Variants in CNTNAP2 observed in about 807,000 individuals in gnomAD.
The protein encoded by CNTNAP2 is contactin-associated protein-like 2.
A neutral mutation model predicts 155.2 loss-of-function variants in CNTNAP2; 98 were observed. The observed-to-expected ratio is 0.63, with a 90% confidence interval of 0.54 to 0.75. CNTNAP2 has a LOEUF of 0.75. Ranked by LOEUF, CNTNAP2 falls within the 30% of genes least tolerant of loss-of-function variation. The pLI, the probability that CNTNAP2 is intolerant of heterozygous loss-of-function variation, is 0.00. For missense variants in CNTNAP2, 1,727 were observed against 1,688.1 expected, an observed-to-expected ratio of 1.02 and a Z score of -0.40; for synonymous variants, 651 against 631.2, an observed-to-expected ratio of 1.03 and a Z score of -0.47.
At chr7:148,292,173 A>G (rs1340544737) in intron 21 of CNTNAP2, among the ~76,000 whole-genome samples, 1 of 152,200 alleles carries the variant, frequency 6.6e-6, no homozygotes, top group Non-Finnish European at 1.5e-5. Flanking sequence ...AGTTTTCCAA[A>G]TTCTATGTAT....
chr7:147,497,441 G>A (rs1798728613), intron 11 of CNTNAP2, among the ~76,000 whole-genome samples: 1 of 152,118 alleles, frequency 6.6e-6, no homozygotes, highest in Admixed American at 6.6e-5. Context: ...GCCACTATCT[G>A]GGCCTGTTGA....
intron 8 of CNTNAP2, among the ~76,000 whole-genome samples, chr7:147,261,596 G>T (rs921050774): frequency 1.3e-5 from 2 of 151,262 alleles, no homozygotes; most frequent in African/African-American, 4.9e-5. Context: ...CTCACCTATT[G>T]CAAGTTTTTG....
At chr7:147,258,098 G>C (rs751549708) in intron 8 of CNTNAP2, among the ~76,000 whole-genome samples, 5 of 152,180 alleles carry the variant, frequency 3.3e-5, no homozygotes, top group Non-Finnish European at 5.9e-5. Context: ...CAAAGTAATA[G>C]ATGGCAAGAA....
intron 13 of CNTNAP2, among the ~76,000 whole-genome samples, chr7:147,833,445 G>T (rs1338119208): frequency 6.6e-6 from 1 of 152,140 alleles, no homozygotes; most frequent in Non-Finnish European, 1.5e-5. Flanking sequence ...TTCCCTCGAT[G>T]CTCCAAGGAA....
At chr7:147,318,286 ACAAAAATTAG>A (rs1368177970) in intron 9 of CNTNAP2, among the ~76,000 whole-genome samples, 1 of 152,104 alleles carries the variant, frequency 6.6e-6, no homozygotes, top group Admixed American at 6.5e-5. Context: ...TGCAAAAAAT[ACAAAAATTAG>A]CTGGGCATGG....
chr7:146,809,274 T>G (rs527608900), intron 2 of CNTNAP2, among the ~76,000 whole-genome samples: 1 of 152,290 alleles, frequency 6.6e-6, no homozygotes, highest in South Asian at 2.1e-4. Context: ...ACAGGTGTAA[T>G]GTGATTGTCT....
intron 1 of CNTNAP2, among the ~76,000 whole-genome samples, chr7:146,144,095 G>A (rs933616387): frequency 6.6e-6 from 1 of 151,932 alleles, no homozygotes; most frequent in African/African-American, 2.4e-5. Context: ...ATTACACTTT[G>A]TGTCACACTT....
At chr7:147,542,419 G>A (rs936422310) in intron 11 of CNTNAP2, among the ~76,000 whole-genome samples, 3 of 152,190 alleles carry the variant, frequency 2.0e-5, no homozygotes, top group Admixed American at 1.3e-4. Context: ...CTTCATTTAC[G>A]GACTAGCTGT....
In CNTNAP2 at chr7:146,570,195, G is replaced by A. The variant is rs565642556; in HGVS notation, c.98-204076G>A. 6.3e-5 allele frequency among the ~76,000 whole-genome samples: 9 copies of A among 143,790 alleles called. No individual in the cohort carries two copies. In the East Asian group the frequency reaches 1.9e-3, roughly 30 times the overall value. 94.3% of individuals were successfully genotyped at this position (143,790 alleles called of 152,430 possible). A position where few individuals can be genotyped will look rare whatever the true frequency, so the allele number is the denominator to read the frequency against. On this transcript the variant is annotated intron_variant, in intron 1 of 23. Coordinates refer to ENST00000361727, the MANE Select transcript of CNTNAP2 (RefSeq NM_014141.6). ...GAAACCTGAAGTGCTTTAATGCACTGGTCTGTAGACACAGCCCATTTTTTT... is the reference window on the plus strand; with the variant it reads ...GAAACCTGAAGTGCTTTAATGCACTAGTCTGTAGACACAGCCCATTTTTTT...
intron 1 of CNTNAP2, among the ~76,000 whole-genome samples, chr7:146,185,587 T>C (rs1798611409): frequency 6.6e-6 from 1 of 152,210 alleles, no homozygotes; most frequent in Non-Finnish European, 1.5e-5. Flanking sequence ...GGCTCGGGCA[T>C]CCTCTCTCCA....
At chr7:146,291,551 C>T (rs1207627484) in intron 1 of CNTNAP2, among the ~76,000 whole-genome samples, 1 of 152,134 alleles carries the variant, frequency 6.6e-6, no homozygotes, top group Non-Finnish European at 1.5e-5. Flanking sequence ...TAGACCTTCA[C>T]AGAAACAATT....
At chr7:148,079,224 A>G (rs892914034) in intron 15 of CNTNAP2, among the ~76,000 whole-genome samples, 11 of 152,188 alleles carry the variant, frequency 7.2e-5, no homozygotes, top group Non-Finnish European at 1.3e-4. Flanking sequence ...GGTTTTATAC[A>G]TTTTAGGGGG....
At chr7:146,133,735 G>T (rs142903519) in intron 1 of CNTNAP2, among the ~76,000 whole-genome samples, 1 of 152,026 alleles carries the variant, frequency 6.6e-6, no homozygotes, top group African/African-American at 2.4e-5. Context: ...AATATGTGGC[G>T]TTATTTCTGC....
chr7:146,909,215 A>G (rs1206400489), intron 3 of CNTNAP2, among the ~76,000 whole-genome samples: 2 of 149,618 alleles, frequency 1.3e-5, no homozygotes, highest in Non-Finnish European at 3.0e-5. Context: ...GCCGAATTCT[A>G]CCAGAGGTAC....
intron 15 of CNTNAP2, among the ~76,000 whole-genome samples, chr7:147,989,647 T>C (rs533516574): frequency 3.4e-4 from 52 of 152,320 alleles, no homozygotes; most frequent in Middle Eastern, 3.4e-3. Context: ...CATCCAGCCA[T>C]TTAGCTTCTC....
intron 4 of CNTNAP2, among the ~76,000 whole-genome samples, chr7:147,075,199 T>C (rs1320163469): frequency 6.6e-6 from 1 of 152,206 alleles, no homozygotes; most frequent in African/African-American, 2.4e-5. Flanking sequence ...GCTTCATTTA[T>C]GTAAATTGTT....
intron 1 of CNTNAP2, among the ~76,000 whole-genome samples, chr7:146,435,302 A>G (rs546246737): frequency 7.9e-5 from 12 of 152,276 alleles, no homozygotes; most frequent in African/African-American, 2.9e-4. Flanking sequence ...ATTCTTGTAA[A>G]TTTAACTCCT....
intron 3 of CNTNAP2, among the ~76,000 whole-genome samples, chr7:146,905,808 A>T (rs1796109084): frequency 6.6e-6 from 1 of 152,226 alleles, no homozygotes; most frequent in Admixed American, 6.5e-5. Context: ...AGATGGCCGA[A>T]TAGGAACAGC....
At chr7:148,024,795 C>A (rs1187131532) in intron 15 of CNTNAP2, among the ~76,000 whole-genome samples, 1 of 152,184 alleles carries the variant, frequency 6.6e-6, no homozygotes, top group East Asian at 1.9e-4. Context: ...CCTTCACAGG[C>A]AGCCATCTTT....
Sources: allele counts gnomAD v4.1 joint callset (sites outside exome capture counted in the v4.1 genomes callset), GRCh38; gene constraint gnomAD v4.1.1; transcripts MANE v1.5; gene names NCBI Gene and HGNC (gene_info 2026-07-23, HGNC 2026-07-21).